Variants in TDRD3 observed in about 807,000 individuals in gnomAD.
TDRD3 encodes tudor domain-containing protein 3.
A neutral mutation model predicts 86.7 loss-of-function variants in TDRD3; 45 were observed. The ratio of observed to expected loss-of-function variants is 0.52; its 90% confidence interval spans 0.41 to 0.67. The LOEUF (loss-of-function observed/expected upper bound fraction) is 0.67. Among genes scored for constraint, TDRD3 ranks in the 30% least tolerant of loss-of-function variants. TDRD3 has a pLI of 0.00. For synonymous variants in TDRD3, 298 were observed against 301.7 expected (o/e 0.99, Z 0.13); for missense variants, 814 against 889.0 (o/e 0.92, Z 1.07).
At chr13:60,482,556 T>C (rs990090772) in intron 5 of TDRD3, among the ~76,000 whole-genome samples, 15 of 152,192 alleles carry the variant, frequency 9.9e-5, no homozygotes, top group African/African-American at 3.1e-4. Context: ...ATAGTATAAG[T>C]TGAAATGATT....
At chr13:60,540,602 A>G (rs1321799458) in intron 12 of TDRD3, among the ~76,000 whole-genome samples, 1 of 152,186 alleles carries the variant, frequency 6.6e-6, no homozygotes, top group African/African-American at 2.4e-5. Flanking sequence ...ACGGAATATT[A>G]TGAAAAACTT....
chr13:60,543,089 G>A (rs1440675493), intron 12 of TDRD3, among the ~76,000 whole-genome samples: 1 of 152,240 alleles, frequency 6.6e-6, no homozygotes, highest in Admixed American at 6.5e-5. Context: ...AACTCTTTTA[G>A]TAGCCTGTCA....
intron 8 of TDRD3, among the ~76,000 whole-genome samples, chr13:60,507,086 A>T (rs779670872): frequency 1.7e-4 from 26 of 152,200 alleles, no homozygotes; most frequent in Admixed American, 1.5e-3. Flanking sequence ...CTTTAAACTA[A>T]CAAAGATCAA....
chr13:60,486,134 G>A (rs148719842), intron 7 of TDRD3, among the ~76,000 whole-genome samples, 186 bp downstream of exon 7: 127 of 152,106 alleles, frequency 8.3e-4, no homozygotes, highest in African/African-American at 3.0e-3. Context: ...TTATTCATGT[G>A]TTCTTTTTCC....
intron 1 of TDRD3, among the ~76,000 whole-genome samples, chr13:60,405,845 G>C (rs1311622072): frequency 1.3e-5 from 2 of 152,176 alleles, no homozygotes; most frequent in African/African-American, 2.4e-5. Context: ...AAATGGAGCT[G>C]GGCAGGACTA....
chr13:60,486,812 GAC>G (rs1397899174), intron 7 of TDRD3, among the ~76,000 whole-genome samples: 1 of 152,110 alleles, frequency 6.6e-6, no homozygotes, highest in Non-Finnish European at 1.5e-5. Context: ...TCTTCTATGA[GAC>G]AACTTTTTTA....
intron 1 of TDRD3, among the ~76,000 whole-genome samples, chr13:60,427,348 AT>A (rs1386728040): frequency 3.7e-5 from 5 of 136,048 alleles, no homozygotes; most frequent in African/African-American, 1.3e-4. Context: ...AATTGTAAAG[AT>A]TTTTGTTCTG....
chr13:60,548,748 C>G (rs776171678), intron 12 of TDRD3, among the ~76,000 whole-genome samples: 3 of 151,506 alleles, frequency 2.0e-5, no homozygotes, highest in East Asian at 1.9e-4. Context: ...ATAATACTTA[C>G]GCTGGCAAGG....
chr13:60,450,407 T>C (rs1237281826), intron 3 of TDRD3, among the ~76,000 whole-genome samples: 1 of 152,184 alleles, frequency 6.6e-6, no homozygotes, highest in East Asian at 1.9e-4. Flanking sequence ...GGCTTTGGCA[T>C]GAGATAGATC....
At chr13:60,572,845 A>G (rs1958616715) in intron 13 of TDRD3, among the ~76,000 whole-genome samples, 1 of 152,176 alleles carries the variant, frequency 6.6e-6, no homozygotes, top group African/African-American at 2.4e-5. Context: ...CTGGTCCAGC[A>G]TCAATGTCAG....
intron 1 of TDRD3, among the ~76,000 whole-genome samples, chr13:60,436,218 C>T (rs553851226): frequency 6.6e-6 from 1 of 151,316 alleles, no homozygotes; most frequent in Non-Finnish European, 1.5e-5. Context: ...TGTCTGTTTA[C>T]TCTGCTGATG....
At chr13:60,457,595 A>G (rs1157628950) in intron 3 of TDRD3, among the ~76,000 whole-genome samples, 1 of 152,246 alleles carries the variant, frequency 6.6e-6, no homozygotes, top group African/African-American at 2.4e-5. Context: ...TCATTCCATA[A>G]GTGGGTATAG....
intron 1 of TDRD3, among the ~76,000 whole-genome samples, chr13:60,415,717 T>C (rs1482922178): frequency 6.6e-6 from 1 of 152,164 alleles, no homozygotes; most frequent in Non-Finnish European, 1.5e-5. Flanking sequence ...TACAGATGCC[T>C]TGATGGATCT....
At chr13:60,445,939 CTCTT>C (rs1161408852) in intron 3 of TDRD3, among the ~76,000 whole-genome samples, 4 of 152,180 alleles carry the variant, frequency 2.6e-5, no homozygotes, top group African/African-American at 9.6e-5. Context: ...GCTCCCTTCA[CTCTT>C]TCAGAGTGTT....
chr13:60,519,540 G>GT (rs1029633369), intron 10 of TDRD3, among the ~76,000 whole-genome samples: 1 of 152,056 alleles, frequency 6.6e-6, no homozygotes, highest in African/African-American at 2.4e-5. Context: ...TCCATTAGTA[G>GT]TTTTTTTAAC....
At chr13:60,550,530 A>G (rs1028435451) in intron 12 of TDRD3, among the ~76,000 whole-genome samples, 4 of 152,106 alleles carry the variant, frequency 2.6e-5, no homozygotes, top group African/African-American at 9.6e-5. Flanking sequence ...TGTATTTGAT[A>G]AACTGGTAGG....
intron 1 of TDRD3, among the ~76,000 whole-genome samples, chr13:60,419,917 A>G (rs1954613731): frequency 6.6e-6 from 1 of 152,188 alleles, no homozygotes; most frequent in African/African-American, 2.4e-5. Context: ...ATTTTTAAAA[A>G]TTATTTTTAA....
Position 60,553,604 on chromosome 13 carries a change from A to T in TDRD3, c.2119-13921A>T, listed in dbSNP as rs117533732. Among the ~76,000 whole-genome samples, 1,112 of 151,824 alleles carry T rather than the reference A, an allele frequency of 7.3e-3. 26 individuals are homozygous for T. The highest frequency in any genetic ancestry group is 0.053 in the East Asian group (276 of 5,160). On this transcript the variant is annotated intron_variant, in intron 12 of 13. Coordinates refer to ENST00000377881, the MANE Select transcript of TDRD3 (RefSeq NM_001146070.2). ...GACTCACGGTTCTGCATGGCTCGAG[A>T]GGTCTCTGGAAACTTAAAATCATGG...
intron 5 of TDRD3, among the ~76,000 whole-genome samples, chr13:60,470,344 A>T (rs1304155930): frequency 6.6e-6 from 1 of 152,220 alleles, no homozygotes; most frequent in Non-Finnish European, 1.5e-5. Flanking sequence ...ATGGGTACAC[A>T]AATACCTCTT....
Sources: allele counts gnomAD v4.1 joint callset (sites outside exome capture counted in the v4.1 genomes callset), GRCh38; gene constraint gnomAD v4.1.1; transcripts MANE v1.5; gene names NCBI Gene and HGNC (gene_info 2026-07-23, HGNC 2026-07-21).